The following MT1B variants were observed in gnomAD, a reference collection of about 807,000 sequenced individuals.
MT1B encodes metallothionein 1B, also known as metallothionein-1B.
A neutral mutation model predicts 7.9 loss-of-function variants in MT1B; 4 were observed. That is an observed-to-expected ratio of 0.51 (90% CI 0.25 to 1.16). The LOEUF (loss-of-function observed/expected upper bound fraction) is 1.16. Ranked by LOEUF, MT1B falls within the 50% of genes most tolerant of loss-of-function variation. The pLI, the probability that MT1B is intolerant of heterozygous loss-of-function variation, is 0.15. For synonymous variants in MT1B, 22 were observed against 27.6 expected (o/e 0.80, Z 0.63); for missense variants, 76 against 75.2 (o/e 1.01, Z -0.04).
At chr16:56,652,084 G>A (rs1189558330) in intron 1 of MT1B, 103 bp downstream of exon 1, 2 of 1,444,396 alleles carry the variant, frequency 1.4e-6, no homozygotes, top group Non-Finnish European at 1.9e-6. Flanking sequence ...GAGTTGAAGG[G>A]AACTCGTTTA....
intron 1 of MT1B, among the ~76,000 whole-genome samples, 156 bp from the exon 2 acceptor site, chr16:56,652,415 G>A (rs1369522079): frequency 6.6e-6 from 1 of 152,188 alleles, no homozygotes; most frequent in South Asian, 2.1e-4. Context: ...CAGCCTGAGT[G>A]GAGAGGACAT....
chr16:56,651,887 T>A lies in MT1B; in HGVS notation c.-67T>A. On this transcript the variant is annotated 5_prime_UTR_variant, in exon 1 of 3. Transcript: ENST00000334346. ...GGGAGCAGCCAGCTCCTGGGCTCCATCACACCTTCCTCCTGCCCTGACTTC... is the reference window on the plus strand; with the variant it reads ...GGGAGCAGCCAGCTCCTGGGCTCCAACACACCTTCCTCCTGCCCTGACTTC... The A allele has an allele frequency of 6.3e-7, 1 of 1,583,956 alleles. No homozygotes were observed. The highest frequency in any genetic ancestry group is 1.1e-5 in the South Asian group (1 of 90,494).
intron 1 of MT1B, 31 bp downstream of exon 1, chr16:56,652,012 T>G (rs753820730): frequency 2.5e-6 from 4 of 1,613,906 alleles, no homozygotes; most frequent in Non-Finnish European, 2.5e-6. Context: ...GGCCTTGAGA[T>G]GCCCATTCCC....
In MT1B at chr16:56,652,899, G is replaced by C. The variant is rs1472482847; in HGVS notation, c.95-75G>C. 10 of 1,525,252 alleles carry C rather than the reference G, an allele frequency of 6.6e-6. No homozygotes were observed. The African/African-American group carries it at 1.2e-4, about 19-fold the overall frequency. The allele number at this position is 1,525,252 out of a possible 1,614,324, so 94.5% of individuals were successfully genotyped here. A position where few individuals can be genotyped will look rare whatever the true frequency, so the allele number is the denominator to read the frequency against. ...CTCTGGGTGTGGGGGCTGAACTTCA[G>C]CCAGGCTTGCTGTTGGGACAGAGAG... On this transcript the variant is annotated intron_variant, in intron 2 of 2. Transcript: ENST00000334346.
At position 56,651,981 on chromosome 16, in the gene MT1B, G is replaced by A; in HGVS notation, c.28G>A (p.Gly10Ser). The change falls in exon 1 of 3, where the codon GGT (glycine) becomes AGT (serine). Residue 10 changes from glycine to serine, a missense_variant and splice_region_variant. Gly to Ser is a moderately conservative substitution (Grantham distance 56, BLOSUM62 0). Transcript: ENST00000334346. MDPNCSCTT[G>S]GSCACAGSCK... ...GGATCCCAACTGCTCCTGCACCACA[G>A]GTAAGGGACGCCTGGCTCTGGGCCT... 1 of 1,614,242 alleles carries A rather than the reference G, an allele frequency of 6.2e-7. No individual in the cohort carries two copies. Among genetic ancestry groups the A allele is most frequent in the Middle Eastern group, 1.6e-4 (1 of 6,062 alleles).
chr16:56,652,479 G>T lies in MT1B; in HGVS notation c.29-92G>T. On this transcript the variant is annotated intron_variant, in intron 1 of 2. Coordinates refer to ENST00000334346, the MANE Select transcript of MT1B (RefSeq NM_005947.3). ...GAAAGGAGCTCTGATGGCTGGCCCT[G>T]CACAGAGGATGGCGCACTGGACACT... is the stretch of plus-strand genomic sequence containing the variant. 3.2e-6 allele frequency: 4 copies of T among 1,240,136 alleles called. No homozygotes were observed. In the Middle Eastern group the frequency reaches 5.7e-4, roughly 176 times the overall value. The allele number at this position is 1,240,136 out of a possible 1,614,324, so 76.8% of individuals were successfully genotyped here.
chr16:56,652,946 G>C, intron 2 of MT1B, 28 bp from the exon 3 acceptor site: 1 of 1,609,658 alleles, frequency 6.2e-7, no homozygotes, highest in Non-Finnish European at 8.5e-7. Flanking sequence ...AGTCAGCTGT[G>C]ACCTCTCACT....
chr16:56,652,490 G>A, intron 1 of MT1B, 81 bp from the exon 2 acceptor site: 1 of 1,330,258 alleles, frequency 7.5e-7, no homozygotes. Context: ...CACAGAGGAT[G>A]GCGCACTGGA....
chr16:56,653,016 A>G lies in MT1B; in HGVS notation c.137A>G (p.Gln46Arg), dbSNP rs1039926850. 6.2e-7 allele frequency: 1 copy of G among 1,613,650 alleles called. No individual in the cohort carries two copies. The highest frequency in any genetic ancestry group is 1.7e-4 in the Middle Eastern group (1 of 5,758). Reference protein sequence around the residue: ...CCPVGCAKCAQGCVCKGSSEK... With the variant: ...CCPVGCAKCARGCVCKGSSEK... ...CCCGTGGGCTGTGCCAAGTGTGCCC[A>G]GGGCTGTGTCTGCAAAGGCTCATCA... Residue 46 changes from glutamine to arginine, a missense_variant, in exon 3 of 3, where the codon CAG becomes CGG. Gln to Arg is a conservative substitution (Grantham distance 43, BLOSUM62 1). Coordinates refer to ENST00000334346, the MANE Select transcript of MT1B (RefSeq NM_005947.3).
intron 2 of MT1B, 80 bp from the exon 3 acceptor site, chr16:56,652,894 C>T: frequency 2.0e-6 from 3 of 1,497,594 alleles, no homozygotes; most frequent in Non-Finnish European, 1.9e-6. Context: ...GGGGGCTGAA[C>T]TTCAGCCAGG....
rs77377595 is a variant in MT1B at position 56,653,005 on chromosome 16, C to A, written c.126C>A (p.Ala42=). ...GCTCTTGCTGCCCCGTGGGCTGTGC[C>A]AAGTGTGCCCAGGGCTGTGTCTGCA... ...CCCSCCPVGC[A]KCAQGCVCKG... is the part of the protein sequence containing the mutation. The change falls in exon 3 of 3, where the codon GCC becomes GCA. Residue 42 remains alanine (A), a synonymous_variant. Transcript: ENST00000334346. The A allele has an allele frequency of 1.7e-3, 2,707 of 1,613,518 alleles. 46 individuals carry two copies. The African/African-American group carries it at 0.033, about 20-fold the overall frequency.
At position 56,652,647 on chromosome 16, in the gene MT1B, G is replaced by A; in HGVS notation, c.94+11G>A. On this transcript the variant is annotated intron_variant, in intron 2 of 2. Transcript: ENST00000334346. ...CCTCCTGCAAGAAGTGTGAGTGTGGGATCATCTCCAGGAATCTGGGGCTGT... is the reference window on the plus strand; with the variant it reads ...CCTCCTGCAAGAAGTGTGAGTGTGGAATCATCTCCAGGAATCTGGGGCTGT... 1 of 1,613,930 alleles carries A rather than the reference G, an allele frequency of 6.2e-7. No individual in the cohort carries two copies. The highest frequency in any genetic ancestry group is 8.5e-7 in the Non-Finnish European group (1 of 1,179,880).
Position 56,651,887 on chromosome 16 carries a change from T to C in MT1B, c.-67T>C. On this transcript the variant is annotated 5_prime_UTR_variant, in exon 1 of 3. Coordinates refer to ENST00000334346, the MANE Select transcript of MT1B (RefSeq NM_005947.3). Reference sequence around the variant, plus strand: ...GGGAGCAGCCAGCTCCTGGGCTCCATCACACCTTCCTCCTGCCCTGACTTC... The same window carrying C: ...GGGAGCAGCCAGCTCCTGGGCTCCACCACACCTTCCTCCTGCCCTGACTTC... 2 of 1,583,956 alleles carry C rather than the reference T, an allele frequency of 1.3e-6. No homozygotes were observed. Among genetic ancestry groups the C allele is most frequent in the Non-Finnish European group, 1.7e-6 (2 of 1,152,558 alleles).
intron 2 of MT1B, 109 bp downstream of exon 2, chr16:56,652,745 G>T: frequency 7.1e-7 from 1 of 1,403,342 alleles, no homozygotes; most frequent in Non-Finnish European, 1.0e-6. Context: ...CTTTGCCCCT[G>T]TTGGCTGTGT....
At position 56,652,429 on chromosome 16, in the gene MT1B, G is replaced by A. The variant is rs1480859753; in HGVS notation, c.29-142G>A. On this transcript the variant is annotated intron_variant, in intron 1 of 2. Coordinates refer to ENST00000334346, the MANE Select transcript of MT1B (RefSeq NM_005947.3). ...CCAGCCTGAGTGGAGAGGACATGGG[G>A]CTTCTGTTCCTCCGCTCTGAGTGGG... The A allele has an allele frequency of 8.5e-6, 7 of 824,324 alleles. No individual in the cohort carries two copies. The East Asian group carries it at 1.8e-4, about 21-fold the overall frequency. The allele number at this position is 824,324 out of a possible 1,614,324, so 51.1% of individuals were successfully genotyped here. A position where few individuals can be genotyped will look rare whatever the true frequency, so the allele number is the denominator to read the frequency against.
chr16:56,652,870 C>T (rs1960572608), intron 2 of MT1B, 104 bp from the exon 3 acceptor site: 5 of 1,354,764 alleles, frequency 3.7e-6, no homozygotes, highest in Non-Finnish European at 5.3e-6. Context: ...CCTAAAAATG[C>T]ATCCTCTGGG....
chr16:56,652,848 C>T, intron 2 of MT1B, 126 bp from the exon 3 acceptor site: 2 of 1,231,550 alleles, frequency 1.6e-6, no homozygotes, highest in Non-Finnish European at 2.4e-6. Flanking sequence ...CATCAGAACA[C>T]AGCTGTGCCA....
chr16:56,653,070 G>A lies in MT1B; in HGVS notation c.*5G>A. 1 of 1,613,928 alleles carries A rather than the reference G, an allele frequency of 6.2e-7. No individual in the cohort carries two copies. Among genetic ancestry groups the A allele is most frequent in the Middle Eastern group, 1.7e-4 (1 of 6,008 alleles). ...AAGTGCCGCTGCTGTGCCTGATGTTGGGAGAGCCCTGCTCCCAGACATAAA... is the reference window on the plus strand; with the variant it reads ...AAGTGCCGCTGCTGTGCCTGATGTTAGGAGAGCCCTGCTCCCAGACATAAA... On this transcript the variant is annotated 3_prime_UTR_variant, in exon 3 of 3. Transcript: ENST00000334346.
chr16:56,652,861 C>G (rs1230754246), intron 2 of MT1B, 113 bp from the exon 3 acceptor site: 90 of 1,320,174 alleles, frequency 6.8e-5, no homozygotes, highest in Non-Finnish European at 9.1e-5. Flanking sequence ...CTGTGCCAGC[C>G]TAAAAATGCA....
Sources: gnomAD v4.1 joint callset for allele counts (sites outside exome capture counted in the v4.1 genomes callset) on GRCh38, gnomAD v4.1.1 for gene constraint, MANE v1.5 for transcripts, NCBI Gene and HGNC (gene_info 2026-07-23, HGNC 2026-07-21) for gene names.